The following CPQ variants were observed in gnomAD, a reference collection of about 807,000 sequenced individuals.
CPQ encodes Ser-Met dipeptidase.
CPQ carries 37 observed loss-of-function variants against 45.7 expected under a neutral mutation model. That is an observed-to-expected ratio of 0.81 (90% CI 0.62 to 1.07). The LOEUF is 1.07. Ranked by LOEUF, CPQ falls within the 50% of genes least tolerant of loss-of-function variation. The pLI is 0.00. For synonymous variants in CPQ, 186 were observed against 205.8 expected, an observed-to-expected ratio of 0.90 and a Z score of 0.82; for missense variants, 537 against 572.9, an observed-to-expected ratio of 0.94 and a Z score of 0.64.
intron 3 of CPQ, among the ~76,000 whole-genome samples, chr8:96,871,573 A>G (rs1812068463): frequency 7.7e-6 from 1 of 130,006 alleles, no homozygotes; most frequent in Non-Finnish European, 1.6e-5. Context: ...GCTGTGGCAC[A>G]TGTTTTTAAG....
intron 3 of CPQ, among the ~76,000 whole-genome samples, chr8:96,867,870 T>G (rs180801731): frequency 6.6e-6 from 1 of 152,126 alleles, no homozygotes; most frequent in East Asian, 1.9e-4. Flanking sequence ...TTCATGTTGA[T>G]CTCCTTTCAC....
chr8:97,018,678 GAC>G (rs1033242661), intron 5 of CPQ, among the ~76,000 whole-genome samples: 98 of 152,056 alleles, frequency 6.4e-4, no homozygotes, highest in African/African-American at 2.4e-3. Flanking sequence ...ATTAAGCAAA[GAC>G]AAAGAAAAAA....
intron 4 of CPQ, among the ~76,000 whole-genome samples, chr8:96,900,253 C>T (rs1197204953): frequency 6.6e-6 from 1 of 152,040 alleles, no homozygotes; most frequent in Non-Finnish European, 1.5e-5. Context: ...AACAATGCCC[C>T]CACTAACAAC....
chr8:96,746,871 G>C (rs550836873), intron 1 of CPQ, among the ~76,000 whole-genome samples: 5 of 152,194 alleles, frequency 3.3e-5, no homozygotes, highest in Admixed American at 6.5e-5. Flanking sequence ...TAGTGGTAGA[G>C]TTTTAGCATC....
At chr8:97,040,793 A>C (rs1158577516) in intron 6 of CPQ, among the ~76,000 whole-genome samples, 1 of 152,092 alleles carries the variant, frequency 6.6e-6, no homozygotes. Flanking sequence ...CAGATAGTTG[A>C]AGATACGTGG....
chr8:96,699,250 T>C (rs975860980), intron 1 of CPQ, among the ~76,000 whole-genome samples: 6 of 152,074 alleles, frequency 3.9e-5, no homozygotes, highest in Non-Finnish European at 8.8e-5. Context: ...ACATCACATA[T>C]TTCCACTTAT....
chr8:96,726,365 A>G (rs554261848), intron 1 of CPQ, among the ~76,000 whole-genome samples: 3 of 152,336 alleles, frequency 2.0e-5, no homozygotes, highest in South Asian at 2.1e-4. Flanking sequence ...TTGCATTGCT[A>G]TAAAGAAATA....
At chr8:96,876,146 T>C (rs569991132) in intron 3 of CPQ, among the ~76,000 whole-genome samples, 2 of 152,156 alleles carry the variant, frequency 1.3e-5, no homozygotes, top group South Asian at 4.1e-4. Flanking sequence ...AATTGATTTT[T>C]GTATGCTGAT....
At chr8:96,866,212 A>C (rs1811993147) in intron 3 of CPQ, among the ~76,000 whole-genome samples, 1 of 152,032 alleles carries the variant, frequency 6.6e-6, no homozygotes, top group Non-Finnish European at 1.5e-5. Flanking sequence ...AGAGCTAGAA[A>C]CTTTTTGTGG....
intron 4 of CPQ, among the ~76,000 whole-genome samples, chr8:96,959,351 G>A (rs1481786166): frequency 2.0e-5 from 3 of 152,160 alleles, no homozygotes; most frequent in South Asian, 2.1e-4. Context: ...ATGGAATATC[G>A]TATTAGATGG....
intron 6 of CPQ, among the ~76,000 whole-genome samples, chr8:97,033,808 A>AT (rs761147299): frequency 6.6e-5 from 10 of 152,148 alleles, no homozygotes; most frequent in Non-Finnish European, 1.5e-4. Context: ...TACAAAGGCT[A>AT]TTTTAATAAT....
chr8:96,783,625 A>G (rs1025700774), intron 1 of CPQ, among the ~76,000 whole-genome samples: 2 of 152,210 alleles, frequency 1.3e-5, no homozygotes, highest in Admixed American at 1.3e-4. Flanking sequence ...CATTCAAACA[A>G]TAGCAGACAT....
intron 2 of CPQ, among the ~76,000 whole-genome samples, chr8:96,802,045 C>T (rs891397584): frequency 2.6e-5 from 4 of 152,048 alleles, no homozygotes; most frequent in African/African-American, 7.2e-5. Context: ...CTCTGTGTGT[C>T]TTTTTCTATA....
chr8:96,848,349 C>T (rs1317470179), intron 3 of CPQ, among the ~76,000 whole-genome samples: 2 of 152,074 alleles, frequency 1.3e-5, no homozygotes, highest in Admixed American at 1.3e-4. Context: ...ATAAAATCAA[C>T]ATTTATTTAC....
At chr8:97,077,118 C>G (rs1563574007) in intron 7 of CPQ, among the ~76,000 whole-genome samples, 1 of 152,110 alleles carries the variant, frequency 6.6e-6, no homozygotes, top group Admixed American at 6.6e-5. Context: ...AAATGGCAAC[C>G]ACGGTGGCAC....
At chr8:97,099,194 G>C (rs564510692) in intron 7 of CPQ, among the ~76,000 whole-genome samples, 1 of 127,696 alleles carries the variant, frequency 7.8e-6, no homozygotes, top group Non-Finnish European at 1.6e-5. Flanking sequence ...GCAGTGGCAC[G>C]ATCTCAGCTC....
At chr8:97,109,984 T>A (rs976430790) in intron 7 of CPQ, among the ~76,000 whole-genome samples, 7 of 152,190 alleles carry the variant, frequency 4.6e-5, no homozygotes, top group African/African-American at 1.7e-4. Flanking sequence ...TCTTATTTTT[T>A]TCTATTTTTA....
chr8:97,078,118 T>C (rs746313550), intron 7 of CPQ, among the ~76,000 whole-genome samples: 1 of 152,238 alleles, frequency 6.6e-6, no homozygotes, highest in Non-Finnish European at 1.5e-5. Flanking sequence ...AGCTATTTTA[T>C]TGATGCTCAA....
intron 7 of CPQ, among the ~76,000 whole-genome samples, chr8:97,071,196 T>C (rs1035371023): frequency 1.3e-5 from 2 of 152,168 alleles, no homozygotes; most frequent in African/African-American, 4.8e-5. Flanking sequence ...CTTCAAAACT[T>C]CTAACTATGT....
Sources: gnomAD v4.1 joint callset for allele counts (sites outside exome capture counted in the v4.1 genomes callset) on GRCh38, gnomAD v4.1.1 for gene constraint, MANE v1.5 for transcripts, NCBI Gene and HGNC (gene_info 2026-07-23, HGNC 2026-07-21) for gene names.